Variants in GBE1 observed in about 807,000 individuals in gnomAD.
GBE1 encodes the protein 1,4-alpha-glucan branching enzyme 1.
A neutral mutation model predicts 88.8 loss-of-function variants in GBE1; 70 were observed. That is an observed-to-expected ratio of 0.79 (90% CI 0.65 to 0.96). The LOEUF is 0.96. Ranked by LOEUF, GBE1 falls within the 40% of genes least tolerant of loss-of-function variation. The pLI is 0.00. For synonymous variants in GBE1, 284 were observed against 300.1 expected (o/e 0.95, Z 0.56); for missense variants, 872 against 871.0 (o/e 1.00, Z -0.01).
At chr3:81,492,441 T>G (rs1422560959) in intron 15 of GBE1, among the ~76,000 whole-genome samples, 3 of 151,070 alleles carry the variant, frequency 2.0e-5, no homozygotes, top group Non-Finnish European at 4.4e-5. Flanking sequence ...ATAATCAAGC[T>G]ACAGACAAAA....
intron 7 of GBE1, among the ~76,000 whole-genome samples, chr3:81,604,339 ATGCAG>A (rs1704075753): frequency 8.3e-6 from 1 of 121,072 alleles, no homozygotes; most frequent in Admixed American, 1.1e-4. Context: ...CCAGGCTGAT[ATGCAG>A]TGGCACCATC....
chr3:81,508,959 A>C (rs1351822808), intron 14 of GBE1, among the ~76,000 whole-genome samples: 3 of 152,088 alleles, frequency 2.0e-5, no homozygotes, highest in Non-Finnish European at 4.4e-5. Context: ...GATTAACTGA[A>C]GCAATCTATT....
chr3:81,730,602 C>A (rs1423889145), intron 1 of GBE1, among the ~76,000 whole-genome samples: 2 of 152,132 alleles, frequency 1.3e-5, no homozygotes, highest in Non-Finnish European at 2.9e-5. Flanking sequence ...AGAAAAAAAG[C>A]AAATTGGGTG....
intron 9 of GBE1, among the ~76,000 whole-genome samples, chr3:81,590,419 G>A (rs1703861674): frequency 6.6e-6 from 1 of 151,996 alleles, no homozygotes; most frequent in Admixed American, 6.6e-5. Flanking sequence ...ATCTAAATTA[G>A]CATAAGCATT....
At chr3:81,637,121 A>T (rs9810626) in intron 7 of GBE1, among the ~76,000 whole-genome samples, 8 of 152,170 alleles carry the variant, frequency 5.3e-5, no homozygotes, top group African/African-American at 1.9e-4. Context: ...CTAATAAAAT[A>T]GAACAATTAT....
At chr3:81,609,921 T>C (rs1031070450) in intron 7 of GBE1, among the ~76,000 whole-genome samples, 10 of 152,146 alleles carry the variant, frequency 6.6e-5, no homozygotes, top group African/African-American at 2.4e-4. Context: ...AAAAACGTGA[T>C]TGAAATTTAT....
At chr3:81,647,026 A>T (rs1477615482) in intron 5 of GBE1, among the ~76,000 whole-genome samples, 3 of 142,872 alleles carry the variant, frequency 2.1e-5, no homozygotes, top group African/African-American at 7.9e-5. Context: ...GCTTGATCTC[A>T]GCTCACTGCA....
At chr3:81,519,923 CA>C (rs1702850158) in intron 14 of GBE1, among the ~76,000 whole-genome samples, 1 of 151,390 alleles carries the variant, frequency 6.6e-6, no homozygotes, top group African/African-American at 2.4e-5. Context: ...GAAGTATTTT[CA>C]AAATTATTTT....
chr3:81,698,204 G>A (rs368068038), intron 2 of GBE1, among the ~76,000 whole-genome samples: 2 of 151,578 alleles, frequency 1.3e-5, no homozygotes, highest in African/African-American at 4.8e-5. Context: ...GCACAATTGG[G>A]GCCAAAAGTT....
chr3:81,665,787 G>A (rs1009425853), intron 3 of GBE1, among the ~76,000 whole-genome samples: 26 of 152,110 alleles, frequency 1.7e-4, no homozygotes, highest in Non-Finnish European at 2.1e-4. Flanking sequence ...TAAATTCAGA[G>A]CACTTCTATG....
At chr3:81,628,976 A>T (rs1327711214) in intron 7 of GBE1, among the ~76,000 whole-genome samples, 1 of 146,310 alleles carries the variant, frequency 6.8e-6, no homozygotes, top group African/African-American at 2.5e-5. Context: ...GTATAAAACA[A>T]TTCTTGGCAA....
chr3:81,571,448 T>C (rs1192158656), intron 12 of GBE1, among the ~76,000 whole-genome samples: 5 of 152,180 alleles, frequency 3.3e-5, no homozygotes, highest in East Asian at 1.9e-4. Flanking sequence ...ATTACAGAAG[T>C]GAAATGTTGC....
At chr3:81,558,027 G>C (rs1178013412) in intron 12 of GBE1, among the ~76,000 whole-genome samples, 1 of 151,978 alleles carries the variant, frequency 6.6e-6, no homozygotes, top group Non-Finnish European at 1.5e-5. Context: ...AGTTTGAGAG[G>C]TGGGTAGCGT....
chr3:81,691,195 G>C (rs1407798912), intron 2 of GBE1, among the ~76,000 whole-genome samples: 1 of 151,996 alleles, frequency 6.6e-6, no homozygotes, highest in Non-Finnish European at 1.5e-5. Context: ...TCTTAAATGA[G>C]AAAAGATTAA....
chr3:81,530,821 G>C (rs1357152862), intron 14 of GBE1, among the ~76,000 whole-genome samples: 1 of 151,796 alleles, frequency 6.6e-6, no homozygotes, highest in East Asian at 2.0e-4. Context: ...ACTATTGTCT[G>C]GGTACCAGTG....
chr3:81,560,542 T>C (rs770338636), intron 12 of GBE1, among the ~76,000 whole-genome samples: 1 of 151,992 alleles, frequency 6.6e-6, no homozygotes, highest in Admixed American at 6.6e-5. Flanking sequence ...GTATAAAAGA[T>C]TAAAGTTCTG....
At chr3:81,527,668 T>G (rs1702960474) in intron 14 of GBE1, among the ~76,000 whole-genome samples, 2 of 152,108 alleles carry the variant, frequency 1.3e-5, no homozygotes, top group South Asian at 4.2e-4. Context: ...CACAATGAGA[T>G]ACCATCTCAC....
intron 12 of GBE1, among the ~76,000 whole-genome samples, chr3:81,548,118 A>T (rs373617850): frequency 2.6e-5 from 4 of 151,398 alleles, no homozygotes; most frequent in Non-Finnish European, 5.9e-5. Context: ...CCATTTTTTA[A>T]TTCTCTTCCC....
intron 12 of GBE1, among the ~76,000 whole-genome samples, chr3:81,558,843 T>C (rs2106906408): frequency 6.6e-6 from 1 of 152,220 alleles, no homozygotes; most frequent in Non-Finnish European, 1.5e-5. Flanking sequence ...ACAGATGTCC[T>C]TGTCTTTTAC....
Sources: gnomAD v4.1 joint callset for allele counts (sites outside exome capture counted in the v4.1 genomes callset) on GRCh38, gnomAD v4.1.1 for gene constraint, MANE v1.5 for transcripts, NCBI Gene and HGNC (gene_info 2026-07-23, HGNC 2026-07-21) for gene names.